Variants in KCNIP4 observed in about 807,000 individuals in gnomAD.
KCNIP4 encodes potassium voltage-gated channel interacting protein 4.
KCNIP4 carries 12 observed loss-of-function variants against 34.0 expected under a neutral mutation model. The ratio of observed to expected loss-of-function variants is 0.35; its 90% CI spans 0.23 to 0.57. The LOEUF (loss-of-function observed/expected upper bound fraction) is 0.57. KCNIP4 is among the 20% of genes least tolerant of loss of function. The pLI is 0.83. For missense variants in KCNIP4, 238 were observed against 311.7 expected (o/e 0.76, Z 1.78); for synonymous variants, 124 against 102.2 (o/e 1.21, Z -1.29).
At position 21,368,606 on chromosome 4, in the gene KCNIP4, T is replaced by C. The variant is rs1212428696; in HGVS notation, c.62-485897A>G. Among the ~76,000 whole-genome samples, 3 of 147,376 alleles carry C rather than the reference T, an allele frequency of 2.0e-5. 1 individual carries two copies. The highest frequency in any genetic ancestry group is 8.1e-5 in the African/African-American group (3 of 37,024). ...CCAAGGTTACACAAATACTAAGTGA[T>C]GTAGCCAAATAGATGTAGGCAGTCT... On this transcript the variant is annotated intron_variant, in intron 1 of 8. Transcript: ENST00000382152.
intron 1 of KCNIP4, among the ~76,000 whole-genome samples, chr4:21,093,686 C>A (rs1250131878): frequency 6.6e-6 from 1 of 151,998 alleles, no homozygotes; most frequent in Non-Finnish European, 1.5e-5. Flanking sequence ...GATGACAAAA[C>A]TTCTTTTTAG....
chr4:20,881,008 C>A (rs1172823210), intron 2 of KCNIP4, among the ~76,000 whole-genome samples: 1 of 152,196 alleles, frequency 6.6e-6, no homozygotes, highest in East Asian at 1.9e-4. Flanking sequence ...TGCCTCCTCT[C>A]CCCACAGAAT....
At chr4:21,432,086 G>A (rs1225138486) in intron 1 of KCNIP4, among the ~76,000 whole-genome samples, 6 of 49,846 alleles carry the variant, frequency 1.2e-4, no homozygotes, top group Non-Finnish European at 1.5e-4. Context: ...GTGTGAAAAT[G>A]GAAGCATATA....
intron 1 of KCNIP4, among the ~76,000 whole-genome samples, chr4:21,598,760 C>A (rs1296442218): frequency 6.6e-6 from 1 of 151,954 alleles, no homozygotes; most frequent in Non-Finnish European, 1.5e-5. Context: ...ACATGAGCAC[C>A]CTGGTTCTTT....
intron 1 of KCNIP4, among the ~76,000 whole-genome samples, chr4:20,888,072 G>A (rs1250936437): frequency 6.6e-6 from 1 of 151,676 alleles, no homozygotes; most frequent in African/African-American, 2.4e-5. Flanking sequence ...TACAAGGGAA[G>A]CAGTAAAAAA....
In KCNIP4 at chr4:20,927,030, G is replaced by GAT. The variant is rs1403419163; in HGVS notation, c.62-44322_62-44321insAT. Among the ~76,000 whole-genome samples the GAT allele has an allele frequency of 3.3e-3, 508 of 152,226 alleles. 6 individuals are homozygous for GAT. The highest frequency in any genetic ancestry group is 0.012 in the African/African-American group (487 of 41,534). On this transcript the variant is annotated intron_variant, in intron 1 of 8. Coordinates refer to ENST00000382152, the MANE Select transcript of KCNIP4 (RefSeq NM_025221.6). Reference sequence around the variant, plus strand: ...GAGTCTCGCTCTATCGCCCAGGCTGGAGTGCAGGTGTGATCTCGGCTCACT... The same window carrying GAT: ...GAGTCTCGCTCTATCGCCCAGGCTGGATAGTGCAGGTGTGATCTCGGCTCACT...
At chr4:20,992,445 A>G (rs957523029) in intron 1 of KCNIP4, among the ~76,000 whole-genome samples, 2 of 152,118 alleles carry the variant, frequency 1.3e-5, no homozygotes, top group Non-Finnish European at 2.9e-5. Flanking sequence ...AATTATGGGG[A>G]TTACAATTCA....
chr4:21,388,282 A>G (rs1722220255), intron 1 of KCNIP4, among the ~76,000 whole-genome samples: 1 of 149,900 alleles, frequency 6.7e-6, no homozygotes, highest in South Asian at 2.1e-4. Flanking sequence ...ATATGTAATA[A>G]TAAATATATA....
chr4:21,131,688 G>A (rs1008939189), intron 1 of KCNIP4, among the ~76,000 whole-genome samples: 4 of 152,162 alleles, frequency 2.6e-5, no homozygotes, highest in Non-Finnish European at 5.9e-5. Context: ...GGTGGATTCT[G>A]GGGTGCTGGT....
intron 1 of KCNIP4, among the ~76,000 whole-genome samples, chr4:21,370,121 C>G (rs1278914559): frequency 1.4e-5 from 2 of 147,610 alleles, no homozygotes; most frequent in Non-Finnish European, 2.9e-5. Flanking sequence ...GCCACTGCAC[C>G]CGGCCAACCC....
intron 1 of KCNIP4, among the ~76,000 whole-genome samples, chr4:21,915,022 A>C (rs1176409888): frequency 6.6e-6 from 1 of 152,186 alleles, no homozygotes; most frequent in African/African-American, 2.4e-5. Context: ...AAAGAAGAAA[A>C]AGACAAAAAT....
intron 1 of KCNIP4, among the ~76,000 whole-genome samples, chr4:21,156,688 G>A (rs1753167090): frequency 6.6e-6 from 1 of 152,054 alleles, no homozygotes; most frequent in Non-Finnish European, 1.5e-5. Flanking sequence ...ATTAGCATTT[G>A]AAATATTCAA....
At chr4:21,496,180 T>C (rs974789596) in intron 1 of KCNIP4, among the ~76,000 whole-genome samples, 4 of 152,200 alleles carry the variant, frequency 2.6e-5, no homozygotes, top group African/African-American at 9.7e-5. Flanking sequence ...AGTTTATGCC[T>C]GTATCAGGAG....
At chr4:21,732,843 A>C (rs1715709724) in intron 1 of KCNIP4, among the ~76,000 whole-genome samples, 1 of 152,208 alleles carries the variant, frequency 6.6e-6, no homozygotes. Context: ...AAATGAGAGA[A>C]ATACAATTTC....
intron 1 of KCNIP4, among the ~76,000 whole-genome samples, chr4:21,192,915 T>TCTACTACTACTA (rs576122943): frequency 3.2e-5 from 3 of 94,282 alleles, no homozygotes; most frequent in African/African-American, 1.4e-4. Context: ...CCGCCCCGTC[T>TCTACTACTACTA]CTACTACTAC....
intron 1 of KCNIP4, among the ~76,000 whole-genome samples, chr4:21,034,300 G>T (rs1353047877): frequency 1.3e-5 from 2 of 152,134 alleles, no homozygotes; most frequent in Non-Finnish European, 2.9e-5. Flanking sequence ...ATTGGTATTT[G>T]TTTACAGATC....
At chr4:21,602,704 G>A (rs1344189485) in intron 1 of KCNIP4, among the ~76,000 whole-genome samples, 2 of 152,142 alleles carry the variant, frequency 1.3e-5, no homozygotes, top group East Asian at 3.9e-4. Flanking sequence ...AGCTGCAACT[G>A]TAGCTGTGGG....
At chr4:21,657,840 A>AT (rs1560599678) in intron 1 of KCNIP4, among the ~76,000 whole-genome samples, 59 of 116,306 alleles carry the variant, frequency 5.1e-4, no homozygotes, top group Middle Eastern at 9.0e-3. Context: ...GTTTAAACAT[A>AT]ATTTTTTTTT....
At chr4:21,791,743 TG>T (rs1422756964) in intron 1 of KCNIP4, among the ~76,000 whole-genome samples, 4 of 152,080 alleles carry the variant, frequency 2.6e-5, no homozygotes, top group Non-Finnish European at 5.9e-5. Context: ...CTCTCATGCC[TG>T]TAATCCCAGC....
Sources: allele counts gnomAD v4.1 joint callset (sites outside exome capture counted in the v4.1 genomes callset), GRCh38; gene constraint gnomAD v4.1.1; transcripts MANE v1.5; gene names NCBI Gene and HGNC (gene_info 2026-07-23, HGNC 2026-07-21).